Variants in AOX1 observed in about 807,000 individuals in gnomAD.
The protein encoded by AOX1 is aldehyde oxidase 1.
In AOX1, 153 loss-of-function variants were observed where a neutral mutation model predicts 169.5. The ratio of observed to expected loss-of-function variants is 0.90; its 90% CI spans 0.79 to 1.03. The LOEUF is 1.03. Among genes scored for constraint, AOX1 ranks in the 50% least tolerant of loss-of-function variants. The probability of loss-of-function intolerance (pLI) is 0.00; values close to 1 mark genes in which losing one functional copy is unlikely to be tolerated. For synonymous variants in AOX1, 562 were observed against 581.9 expected (o/e 0.97, Z 0.49); for missense variants, 1,656 against 1,663.9 (o/e 1.00, Z 0.08).
At position 200,612,665 on chromosome 2, in the gene AOX1, A is replaced by G. The variant is rs747305280; in HGVS notation, c.1320A>G (p.Ile440Met). The change falls in exon 14 of 35, where the codon ATA becomes ATG. Residue 440 changes from isoleucine to methionine, a missense_variant. Physicochemically the swap from Ile to Met is conservative, Grantham distance 10 (BLOSUM62 1). Coordinates refer to ENST00000374700, the MANE Select transcript of AOX1 (RefSeq NM_001159.4). ...QAQRQENALA[I>M]VNSGMRVFFG... ...AGCGACAGGAGAATGCGCTAGCGATAGTCAATTCAGGAATGAGAGTCTTTT... is the reference window on the plus strand; with the variant it reads ...AGCGACAGGAGAATGCGCTAGCGATGGTCAATTCAGGAATGAGAGTCTTTT... 2 of 1,614,016 alleles carry G rather than the reference A, an allele frequency of 1.2e-6. No homozygotes were observed. The highest frequency in any genetic ancestry group is 1.7e-5 in the Admixed American group (1 of 59,994).
chr2:200,596,842 C>G (rs1252169867), intron 3 of AOX1, among the ~76,000 whole-genome samples: 2 of 152,110 alleles, frequency 1.3e-5, no homozygotes, highest in Non-Finnish European at 2.9e-5. Context: ...TGATTATGTT[C>G]CTCGTATGGT....
Position 200,597,462 on chromosome 2 carries a change from T to C in AOX1, c.266T>C (p.Val89Ala). 6.2e-7 allele frequency: 1 copy of C among 1,612,766 alleles called. No individual in the cohort carries two copies. Among genetic ancestry groups the C allele is most frequent in the Non-Finnish European group, 8.5e-7 (1 of 1,179,434 alleles). ...CSLYGAAVTT[V>A]EGIGSTHTRI... ...CTGTATGGTGCTGCCGTCACCACAG[T>C]AGAAGGCATAGGAAGCACCCACACC... Residue 89 changes from valine (V) to alanine (A), a missense_variant, in exon 4 of 35, where the codon GTA (valine) becomes GCA (alanine). Transcript: ENST00000374700.
chr2:200,601,161 A>G (rs1048361437), intron 5 of AOX1, among the ~76,000 whole-genome samples: 10 of 151,190 alleles, frequency 6.6e-5, no homozygotes, highest in South Asian at 2.1e-4. Context: ...ATTTGCAACA[A>G]CGTAAATGAA....
chr2:200,588,726 C>CTTCTTTTTTTTTTTTTT (rs2034096051), intron 1 of AOX1, among the ~76,000 whole-genome samples: 1 of 53,986 alleles, frequency 1.9e-5, no homozygotes, highest in South Asian at 6.3e-4. Flanking sequence ...CTAGAATAAG[C>CTTCTTTTTTTTTTTTTT]TTTTTTTTTT....
chr2:200,594,514 G>A (rs986570253), intron 2 of AOX1, among the ~76,000 whole-genome samples: 3 of 152,174 alleles, frequency 2.0e-5, no homozygotes, highest in African/African-American at 7.2e-5. Flanking sequence ...TCAGCACACA[G>A]CTTTCTCCCC....
chr2:200,611,268 C>T, intron 12 of AOX1, 116 bp from the exon 13 acceptor site: 1 of 728,474 alleles, frequency 1.4e-6, no homozygotes, highest in Non-Finnish European at 2.4e-6. Flanking sequence ...AGGAAGAGCA[C>T]CTGTTTCCCT....
At chr2:200,634,151 G>T (rs1344361224) in intron 20 of AOX1, among the ~76,000 whole-genome samples, 4 of 146,526 alleles carry the variant, frequency 2.7e-5, no homozygotes, top group Admixed American at 6.8e-5. Flanking sequence ...GGGAGAGTGG[G>T]CTTTTCTTGA....
downstream of AOX1, among the ~76,000 whole-genome samples, chr2:200,677,651 GA>G (rs113186158): frequency 0.012 from 1,853 of 152,298 alleles, 35 homozygotes; most frequent in African/African-American, 0.042. Context: ...TTTATGCAGG[GA>G]ATTCTTAAAT....
At chr2:200,643,226 TTTTA>T (rs1391405594) in intron 25 of AOX1, among the ~76,000 whole-genome samples, 30 of 151,946 alleles carry the variant, frequency 2.0e-4, no homozygotes, top group Non-Finnish European at 2.8e-4. Flanking sequence ...TGGTTTTTAT[TTTTA>T]TTTATTTATT....
rs973722548 is a variant in AOX1 at position 200,666,766 on chromosome 2, A to G, written c.3609+14A>G. ...GACATAGGCCAGGTACGTGTAACTG[A>G]TGTGTCTCACTTTCTATTTGTAAAA... On this transcript the variant is annotated intron_variant, in intron 32 of 34. Coordinates refer to ENST00000374700, the MANE Select transcript of AOX1 (RefSeq NM_001159.4). The G allele has an allele frequency of 3.7e-6, 6 of 1,601,178 alleles. No individual in the cohort carries two copies. Among genetic ancestry groups the G allele is most frequent in the South Asian group, 2.2e-5 (2 of 88,974 alleles).
At chr2:200,643,384 T>TAC (rs1453146255) in intron 25 of AOX1, among the ~76,000 whole-genome samples, 54 of 129,580 alleles carry the variant, frequency 4.2e-4, no homozygotes, top group South Asian at 1.0e-3. Flanking sequence ...TGTATATATA[T>TAC]ATACACACAC....
At chr2:200,602,775 T>A (rs1020857561) in intron 6 of AOX1, among the ~76,000 whole-genome samples, 1 of 152,192 alleles carries the variant, frequency 6.6e-6, no homozygotes, top group Non-Finnish European at 1.5e-5. Context: ...AGGCTGTATA[T>A]CTCCGGGTCC....
chr2:200,620,208 T>TG (rs1363842816), intron 16 of AOX1, among the ~76,000 whole-genome samples: 1 of 151,022 alleles, frequency 6.6e-6, no homozygotes, highest in Non-Finnish European at 1.5e-5. Flanking sequence ...ACTTTTTTTT[T>TG]TTTTTTTTTT....
In AOX1 at chr2:200,600,503, T is replaced by C. The variant is rs10183184; in HGVS notation, c.436+757T>C. Among the ~76,000 whole-genome samples, 1,472 of 152,120 alleles carry C rather than the reference T, an allele frequency of 9.7e-3. 31 individuals carry two copies. Among genetic ancestry groups the C allele is most frequent in the African/African-American group, 0.033 (1,367 of 41,480 alleles). ...GGGGGGACATCCTCATCAACAAGAT[T>C]CTAAACACGTTTTTTTAAGTGATAC... On this transcript the variant is annotated intron_variant, in intron 5 of 34. Transcript: ENST00000374700.
chr2:200,677,287 TGCA>T (rs1448705813), downstream of AOX1, among the ~76,000 whole-genome samples: 5 of 152,156 alleles, frequency 3.3e-5, no homozygotes, highest in African/African-American at 1.2e-4. Context: ...ATCTCTGTAA[TGCA>T]TGTAAAGGTG....
Position 200,586,021 on chromosome 2 carries a change from G to C in AOX1, c.-88G>C, listed in dbSNP as rs1432048151. 8 of 1,459,428 alleles carry C rather than the reference G, an allele frequency of 5.5e-6. No homozygotes were observed. Among genetic ancestry groups the C allele is most frequent in the Non-Finnish European group, 6.5e-6 (7 of 1,071,972 alleles). The allele number at this position is 1,459,428 out of a possible 1,614,324, so 90.4% of individuals were successfully genotyped here. A position where few individuals can be genotyped will look rare whatever the true frequency, so the allele number is the denominator to read the frequency against. On this transcript the variant is annotated 5_prime_UTR_variant, in exon 1 of 35. Transcript: ENST00000374700. ...TCCAGCAAGCCCCGCCCCACTCGGC[G>C]GGTCGGTGCCGCCGGGTCCCAGGTG...
At chr2:200,590,319 A>G (rs2034142062) in intron 1 of AOX1, among the ~76,000 whole-genome samples, 1 of 152,138 alleles carries the variant, frequency 6.6e-6, no homozygotes, top group Admixed American at 6.5e-5. Flanking sequence ...AGTGATACAG[A>G]GGGGCAGATT....
In AOX1 at chr2:200,597,665, G is replaced by C. The variant is rs1364199119; in HGVS notation, c.309+160G>C. ...ACAAGAGTGAAGCCTGGCATATTGG[G>C]ATATGTGAGTGTTTCTGACTAACTT... On this transcript the variant is annotated intron_variant, in intron 4 of 34. Transcript: ENST00000374700. Among the ~76,000 whole-genome samples, 3 of 152,210 alleles carry C rather than the reference G, an allele frequency of 2.0e-5. No homozygotes were observed. In the East Asian group the frequency reaches 5.8e-4, roughly 29 times the overall value.
intron 25 of AOX1, among the ~76,000 whole-genome samples, chr2:200,647,574 T>A (rs1427504577): frequency 6.6e-6 from 1 of 152,254 alleles, no homozygotes; most frequent in Admixed American, 6.5e-5. Flanking sequence ...TACGTGAAGA[T>A]CTTTTTGCAA....
Sources: allele counts gnomAD v4.1 joint callset (sites outside exome capture counted in the v4.1 genomes callset), GRCh38; gene constraint gnomAD v4.1.1; transcripts MANE v1.5; gene names NCBI Gene and HGNC (gene_info 2026-07-23, HGNC 2026-07-21).